The following NCOA2 variants were observed in gnomAD, a reference collection of about 807,000 sequenced individuals.
NCOA2 encodes nuclear receptor coactivator 2.
In NCOA2, 21 loss-of-function variants were observed where a neutral mutation model predicts 145.1. The ratio of observed to expected loss-of-function variants is 0.14; its 90% CI spans 0.10 to 0.21. NCOA2 has a LOEUF of 0.21. NCOA2 is among the 10% of genes least tolerant of loss of function. The pLI, the probability that NCOA2 is intolerant of heterozygous loss-of-function variation, is 1.00. For missense variants in NCOA2, 1,472 were observed against 1,837.6 expected, an observed-to-expected ratio of 0.80 and a Z score of 3.64; for synonymous variants, 619 against 637.5, an observed-to-expected ratio of 0.97 and a Z score of 0.44.
At chr8:70,403,819 T>G, upstream of NCOA2, 1 of 397,066 alleles carries the variant, frequency 2.5e-6, no homozygotes, top group East Asian at 3.6e-5. Flanking sequence ...GCCTGGTTGT[T>G]TATTTCAATG....
the NCOA2 span, among the ~76,000 whole-genome samples, chr8:70,410,064 G>T: frequency 1.8e-3 from 272 of 152,154 alleles, 3 homozygotes; most frequent in Admixed American, 3.0e-3. Flanking sequence ...ACAAAAATTA[G>T]CTGGGCATGG....
intron 1 of NCOA2, among the ~76,000 whole-genome samples, chr8:70,388,615 C>T (rs1041828135): frequency 2.0e-5 from 3 of 152,100 alleles, no homozygotes; most frequent in African/African-American, 7.2e-5. Context: ...CTTTTTTAAT[C>T]TTTGTATACT....
intron 2 of NCOA2, among the ~76,000 whole-genome samples, chr8:70,250,054 T>A (rs901090424): frequency 2.0e-5 from 3 of 151,154 alleles, no homozygotes; most frequent in Non-Finnish European, 4.4e-5. Context: ...GTCATTTTCA[T>A]CCTAATTTCC....
chr8:70,401,221 A>T (rs1814212792), intron 1 of NCOA2, among the ~76,000 whole-genome samples: 1 of 152,218 alleles, frequency 6.6e-6, no homozygotes, highest in Admixed American at 6.5e-5. Flanking sequence ...TCTGTTCCTA[A>T]AAGTCAAGAG....
intron 2 of NCOA2, among the ~76,000 whole-genome samples, chr8:70,256,107 T>G (rs2958369): frequency 1 from 151,669 of 152,258 alleles, 75,542 homozygotes; most frequent in East Asian, 1. Context: ...TATGTTCTTA[T>G]AGTTTTGTTA....
intron 4 of NCOA2, among the ~76,000 whole-genome samples, chr8:70,198,576 A>G (rs1817580403): frequency 6.6e-6 from 1 of 152,202 alleles, no homozygotes; most frequent in East Asian, 1.9e-4. Flanking sequence ...AGAAGCAGAG[A>G]TGAGTTAAGG....
chr8:70,277,174 T>C (rs1380412117), intron 2 of NCOA2, among the ~76,000 whole-genome samples: 1 of 152,182 alleles, frequency 6.6e-6, no homozygotes, highest in Non-Finnish European at 1.5e-5. Flanking sequence ...GCTTCAGTGA[T>C]TACGCAAAAA....
intron 1 of NCOA2, among the ~76,000 whole-genome samples, chr8:70,300,180 T>C (rs542448731): frequency 5.8e-4 from 89 of 152,306 alleles, no homozygotes; most frequent in African/African-American, 1.4e-3. Flanking sequence ...TGTGGGGTGA[T>C]AGAATTGTTC....
chr8:70,237,565 C>T (rs1360032373), intron 2 of NCOA2, among the ~76,000 whole-genome samples: 1 of 151,902 alleles, frequency 6.6e-6, no homozygotes, highest in Non-Finnish European at 1.5e-5. Context: ...GAGTTTGAGA[C>T]TAGCCTGGGC....
intron 4 of NCOA2, among the ~76,000 whole-genome samples, chr8:70,184,151 T>C (rs1006461570): frequency 1.3e-5 from 2 of 152,160 alleles, no homozygotes; most frequent in African/African-American, 2.4e-5. Context: ...TCAAGAATAA[T>C]AGCTCAGGTG....
At chr8:70,230,654 T>G (rs1821054316) in intron 2 of NCOA2, among the ~76,000 whole-genome samples, 1 of 152,232 alleles carries the variant, frequency 6.6e-6, no homozygotes, top group Non-Finnish European at 1.5e-5. Context: ...TTATTCTTTT[T>G]GCTAAAGAGA....
At chr8:70,406,498 C>A (rs1285794415), upstream of NCOA2, among the ~76,000 whole-genome samples, 1 of 151,728 alleles carries the variant, frequency 6.6e-6, no homozygotes, top group East Asian at 1.9e-4. Flanking sequence ...AGGTATATTA[C>A]CAAGAGAGAA....
the NCOA2 span, among the ~76,000 whole-genome samples, chr8:70,430,250 C>G: frequency 1.3e-5 from 2 of 152,062 alleles, no homozygotes; most frequent in African/African-American, 4.8e-5. Flanking sequence ...TAAGCTTTCC[C>G]AAAATTTTGA....
chr8:70,371,599 G>A (rs1811223125), intron 1 of NCOA2, among the ~76,000 whole-genome samples: 2 of 152,160 alleles, frequency 1.3e-5, no homozygotes, highest in African/African-American at 4.8e-5. Flanking sequence ...CTAATATTCT[G>A]ATACAGGATA....
chr8:70,299,290 G>A (rs1030738407), intron 1 of NCOA2, among the ~76,000 whole-genome samples: 1 of 152,096 alleles, frequency 6.6e-6, no homozygotes, highest in African/African-American at 2.4e-5. Context: ...GAAGCATCTC[G>A]TTACTGCTCT....
At chr8:70,333,360 C>T (rs1035289739) in intron 1 of NCOA2, among the ~76,000 whole-genome samples, 65 of 152,180 alleles carry the variant, frequency 4.3e-4, no homozygotes, top group African/African-American at 1.6e-3. Flanking sequence ...CAGTCCCAGA[C>T]TCCCAATAGC....
At chr8:70,309,540 A>G (rs775412041) in intron 1 of NCOA2, among the ~76,000 whole-genome samples, 5 of 152,210 alleles carry the variant, frequency 3.3e-5, no homozygotes, top group Admixed American at 6.5e-5. Context: ...CTCTGGGAAT[A>G]TAATGGTTTA....
At chr8:70,371,980 G>A (rs900645094) in intron 1 of NCOA2, among the ~76,000 whole-genome samples, 1 of 152,054 alleles carries the variant, frequency 6.6e-6, no homozygotes, top group African/African-American at 2.4e-5. Flanking sequence ...TCTACACTGT[G>A]TATCTTTATA....
At chr8:70,345,048 G>C (rs950824102) in intron 1 of NCOA2, among the ~76,000 whole-genome samples, 7 of 152,136 alleles carry the variant, frequency 4.6e-5, no homozygotes, top group Admixed American at 2.0e-4. Context: ...GTCATGCTAT[G>C]TATGTTAATA....
Sources: allele counts gnomAD v4.1 joint callset (sites outside exome capture counted in the v4.1 genomes callset), GRCh38; gene constraint gnomAD v4.1.1; transcripts MANE v1.5; gene names NCBI Gene and HGNC (gene_info 2026-07-23, HGNC 2026-07-21).